SP100: variants seen among roughly 807,000 people sequenced by gnomAD.
SP100 encodes the protein nuclear autoantigen Sp-100.
Under a neutral mutation model 130.0 loss-of-function variants are expected in SP100, and 84 were observed. The ratio of observed to expected loss-of-function variants is 0.65; its 90% CI spans 0.54 to 0.77. The LOEUF is 0.77. Ranked by LOEUF, SP100 falls within the 30% of genes least tolerant of loss-of-function variation. SP100 has a pLI of 0.00. For synonymous variants in SP100, 331 were observed against 351.7 expected, an observed-to-expected ratio of 0.94 and a Z score of 0.66; for missense variants, 978 against 1,052.2, an observed-to-expected ratio of 0.93 and a Z score of 0.97.
chr2:230,511,226 A>G, intron 24 of SP100, 60 bp downstream of exon 24: 2 of 1,105,788 alleles, frequency 1.8e-6, no homozygotes, highest in South Asian at 1.2e-5. Context: ...CAGGCACACT[A>G]TGTCATGACT....
At chr2:230,425,995 G>T (rs902190013) in intron 2 of SP100, among the ~76,000 whole-genome samples, 1 of 151,998 alleles carries the variant, frequency 6.6e-6, no homozygotes, top group Non-Finnish European at 1.5e-5. Flanking sequence ...TGTATTTCTA[G>T]GACTTTATCT....
intron 2 of SP100, among the ~76,000 whole-genome samples, chr2:230,421,088 A>G (rs746033046): frequency 3.3e-5 from 5 of 152,122 alleles, no homozygotes; most frequent in Non-Finnish European, 5.9e-5. Flanking sequence ...CAAGTCATCT[A>G]CTATATTATG....
chr2:230,434,312 T>G (rs962588825), intron 2 of SP100, among the ~76,000 whole-genome samples: 2 of 152,136 alleles, frequency 1.3e-5, no homozygotes, highest in African/African-American at 4.8e-5. Flanking sequence ...GAATACACAA[T>G]TAGGTTGTTT....
chr2:230,527,031 C>T, intron 24 of SP100, among the ~76,000 whole-genome samples: 1 of 152,096 alleles, frequency 6.6e-6, no homozygotes. Context: ...ACTTCCCTAA[C>T]CTAGCAAGAC....
intron 24 of SP100, among the ~76,000 whole-genome samples, chr2:230,531,773 T>G (rs960497644): frequency 3.0e-4 from 46 of 152,218 alleles, no homozygotes; most frequent in African/African-American, 9.4e-4. Flanking sequence ...TTGTACAAAA[T>G]GTATAGTGGG....
At chr2:230,467,290 A>AGTG in intron 13 of SP100, 75 bp downstream of exon 13, 4 of 1,033,818 alleles carry the variant, frequency 3.9e-6, no homozygotes, top group Non-Finnish European at 6.1e-6. Context: ...CTCTGAGCAC[A>AGTG]CACAACAGCT....
Position 230,473,446 on chromosome 2 carries a change from G to A in SP100, c.1546+6G>A. ...TCAAGCATCTGACATGATGGGTAAG[G>A]CTACCCTAGGGTCTTGGGATGGAAG... is the stretch of plus-strand genomic sequence containing the variant. On this transcript the variant is annotated splice_donor_region_variant and intron_variant, in intron 16 of 28. Coordinates refer to ENST00000340126, the MANE Select transcript of SP100 (RefSeq NM_001080391.2). 1.9e-6 allele frequency: 3 copies of A among 1,560,846 alleles called. No homozygotes were observed. The highest frequency in any genetic ancestry group is 2.2e-5 in the South Asian group (2 of 89,966).
intron 11 of SP100, among the ~76,000 whole-genome samples, chr2:230,465,501 A>G (rs1355162362): frequency 6.6e-6 from 1 of 152,246 alleles, no homozygotes; most frequent in Non-Finnish European, 1.5e-5. Context: ...CAGAAAACCA[A>G]ATACCATATG....
Position 230,464,273 on chromosome 2 carries a change from A to C in SP100, c.1141+123A>C, listed in dbSNP as rs2064819624. On this transcript the variant is annotated intron_variant, in intron 11 of 28. Transcript: ENST00000340126. ...TATGCCTTGATTCCATAAATTCTAG[A>C]ATATCACTTTCTACATTTAACCTCT... 4 of 646,690 alleles carry C rather than the reference A, an allele frequency of 6.2e-6. No homozygotes were observed. The East Asian group carries it at 1.1e-4, about 18-fold the overall frequency. The allele number at this position is 646,690 out of a possible 1,614,324, so 40.1% of individuals were successfully genotyped here.
chr2:230,498,433 C>T (rs767886761), intron 18 of SP100, 28 bp from the exon 19 acceptor site: 3 of 1,354,848 alleles, frequency 2.2e-6, no homozygotes, highest in South Asian at 2.9e-5. Flanking sequence ...TTTACACCAT[C>T]CATATTTATA....
chr2:230,424,477 G>A (rs906853389), intron 2 of SP100, among the ~76,000 whole-genome samples: 1 of 152,118 alleles, frequency 6.6e-6, no homozygotes, highest in African/African-American at 2.4e-5. Flanking sequence ...GACCAGCCTG[G>A]CCAACATGGT....
intron 17 of SP100, among the ~76,000 whole-genome samples, chr2:230,486,440 C>T (rs945349271): frequency 1.3e-5 from 2 of 152,126 alleles, no homozygotes. Context: ...GTTTTCTGTT[C>T]CTGGGTCAGT....
chr2:230,436,722 T>C (rs1403006657), intron 2 of SP100, among the ~76,000 whole-genome samples: 1 of 152,212 alleles, frequency 6.6e-6, no homozygotes, highest in Non-Finnish European at 1.5e-5. Flanking sequence ...CTAGTTCTTA[T>C]GAATTTTATT....
chr2:230,478,866 G>A (rs1028178320), intron 17 of SP100, among the ~76,000 whole-genome samples: 5 of 151,952 alleles, frequency 3.3e-5, no homozygotes, highest in Non-Finnish European at 7.4e-5. Flanking sequence ...TGTCACCCAG[G>A]CCAGAGTGCA....
chr2:230,511,125 A>G lies in SP100; in HGVS notation c.2053A>G (p.Arg685Gly). Residue 685 changes from arginine to glycine, a missense_variant and splice_region_variant, in exon 24 of 29, where the codon AGA (arginine) becomes GGA (glycine). Coordinates refer to ENST00000340126, the MANE Select transcript of SP100 (RefSeq NM_001080391.2). ...LPEPPSTRKK[R>G]ILESHNNTLV... ...CCAATCTTTCTGTTTTTTTCAACAGAGAATACTGGAATCTCACAACAATAC... is the reference window on the plus strand; with the variant it reads ...CCAATCTTTCTGTTTTTTTCAACAGGGAATACTGGAATCTCACAACAATAC... The G allele has an allele frequency of 6.2e-7, 1 of 1,603,678 alleles. No homozygotes were observed. The highest frequency in any genetic ancestry group is 8.5e-7 in the Non-Finnish European group (1 of 1,170,570).
At position 230,449,143 on chromosome 2, in the gene SP100, T is replaced by C. The variant is rs1476416374; in HGVS notation, c.579T>C (p.Ser193=). Residue 193 remains serine (S), a synonymous_variant, in exon 6 of 29, where the codon TCT becomes TCC. Transcript: ENST00000340126. ...CTTGGCCACCTTCGGGTTCCCCATC[T>C]CATGCTGGTTTGTTCCTGTTTACTA... ...SLTWPPSGSP[S]HAGTTPPENG... is the part of the protein sequence containing the mutation. 2.5e-6 allele frequency: 4 copies of C among 1,613,986 alleles called. No individual in the cohort carries two copies. The highest frequency in any genetic ancestry group is 3.4e-6 in the Non-Finnish European group (4 of 1,179,926).
At position 230,467,007 on chromosome 2, in the gene SP100, G is replaced by C. The variant is rs1423308321; in HGVS notation, c.1196-113G>C. On this transcript the variant is annotated intron_variant, in intron 12 of 28. Transcript: ENST00000340126. Reference sequence around the variant, plus strand: ...TTTGAGGCACGGACATTCTTGCCCTGAAGTTTCAGAGCATCACAAATTTTC... The same window carrying C: ...TTTGAGGCACGGACATTCTTGCCCTCAAGTTTCAGAGCATCACAAATTTTC... 4.1e-6 allele frequency: 3 copies of C among 730,742 alleles called. No individual in the cohort carries two copies. In the East Asian group the frequency reaches 7.6e-5, roughly 18 times the overall value. 45.3% of individuals were successfully genotyped at this position (730,742 alleles called of 1,614,324 possible). A position where few individuals can be genotyped will look rare whatever the true frequency, so the allele number is the denominator to read the frequency against.
In SP100 at chr2:230,508,046, ATCT is replaced by A; in HGVS notation, c.2052+19_2052+21del. ...CAAGAAAAAAGGTGATGATCAAGTG[ATCT>A]TCTGCCAATGTCTCGTCTATTATGT... On this transcript the variant is annotated intron_variant, in intron 23 of 28. Coordinates refer to ENST00000340126, the MANE Select transcript of SP100 (RefSeq NM_001080391.2). The A allele has an allele frequency of 1.2e-6, 2 of 1,613,256 alleles. No individual in the cohort carries two copies. Among genetic ancestry groups the A allele is most frequent in the Non-Finnish European group, 1.7e-6 (2 of 1,179,578 alleles).
chr2:230,520,080 A>G lies in SP100; in HGVS notation c.2094+8914A>G, dbSNP rs79408388. Reference sequence around the variant, plus strand: ...CCCGAAATTTCACTCAATAGGCTGAAAAGATTATCTTACATGTCTCTGATT... The same window carrying G: ...CCCGAAATTTCACTCAATAGGCTGAGAAGATTATCTTACATGTCTCTGATT... On this transcript the variant is annotated intron_variant, in intron 24 of 28. Coordinates refer to ENST00000340126, the MANE Select transcript of SP100 (RefSeq NM_001080391.2). Among the ~76,000 whole-genome samples the G allele has an allele frequency of 3.3e-3, 509 of 152,352 alleles. 2 individuals are homozygous for G. The highest frequency in any genetic ancestry group is 0.012 in the African/African-American group (484 of 41,582).
Sources: gnomAD v4.1 joint callset for allele counts (sites outside exome capture counted in the v4.1 genomes callset) on GRCh38, gnomAD v4.1.1 for gene constraint, MANE v1.5 for transcripts, NCBI Gene and HGNC (gene_info 2026-07-23, HGNC 2026-07-21) for gene names.